Variants in MYL2 observed in about 807,000 individuals in gnomAD.
MYL2 encodes myosin light chain 2, also known as myosin regulatory light chain 2, ventricular/cardiac muscle isoform.
MYL2 carries 19 observed loss-of-function variants against 23.0 expected under a neutral mutation model. The observed-to-expected ratio is 0.83, with a 90% CI of 0.58 to 1.21. The LOEUF (loss-of-function observed/expected upper bound fraction) is 1.21, where lower values mean the gene tolerates loss of function less well. Ranked by LOEUF, MYL2 falls within the 50% of genes most tolerant of loss-of-function variation. MYL2 has a pLI of 0.00. For synonymous variants in MYL2, 78 were observed against 76.2 expected (o/e 1.02, Z -0.13); for missense variants, 180 against 215.1 (o/e 0.84, Z 1.02).
At chr12:110,919,279 C>G (rs1292476584) in intron 1 of MYL2, 86 bp from the exon 2 acceptor site, 2 of 1,108,288 alleles carry the variant, frequency 1.8e-6, no homozygotes, top group Non-Finnish European at 2.7e-6. Flanking sequence ...GTGTTCATCT[C>G]TGTTGCAGGG....
chr12:110,916,906 T>C (rs915015513), intron 2 of MYL2, among the ~76,000 whole-genome samples: 2 of 152,158 alleles, frequency 1.3e-5, no homozygotes, highest in African/African-American at 4.8e-5. Flanking sequence ...CGCAGTGCAG[T>C]GGTGCAATCT....
chr12:110,911,142 C>T lies in MYL2; in HGVS notation c.436G>A (p.Val146Met), dbSNP rs370075755. 2.3e-5 allele frequency: 37 copies of T among 1,605,496 alleles called. No individual in the cohort carries two copies. Among genetic ancestry groups the T allele is most frequent in the East Asian group, 4.5e-5 (2 of 44,198 alleles). Residue 146 changes from valine (V) to methionine (M), a missense_variant, in exon 7 of 7, where the codon GTG (valine) becomes ATG (methionine). By Grantham distance (21) the Val-to-Met change is conservative (BLOSUM62 1). Coordinates refer to ENST00000228841, the MANE Select transcript of MYL2 (RefSeq NM_000432.4). ...DQMFAAFPPD[V>M]TGNLDYKNLV... Reference sequence around the variant, plus strand: ...TTCTTGTAGTCCAAGTTGCCAGTCACGTCAGGGGGGAAGGCGGCGAACATC... The same window carrying T: ...TTCTTGTAGTCCAAGTTGCCAGTCATGTCAGGGGGGAAGGCGGCGAACATC...
intron 6 of MYL2, 126 bp downstream of exon 6, chr12:110,912,970 A>G (rs112638448): frequency 9.2e-7 from 1 of 1,088,790 alleles, no homozygotes; most frequent in Non-Finnish European, 1.4e-6. Flanking sequence ...GCCAGGCCTC[A>G]GAAGACGATA....
intron 3 of MYL2, among the ~76,000 whole-genome samples, chr12:110,915,085 T>A (rs553920763): frequency 6.6e-6 from 1 of 152,188 alleles, no homozygotes; most frequent in Non-Finnish European, 1.5e-5. Context: ...TTTAAGCCAA[T>A]GTATGTTTTA....
At chr12:110,912,766 T>C (rs2071662186) in intron 6 of MYL2, among the ~76,000 whole-genome samples, 1 of 152,222 alleles carries the variant, frequency 6.6e-6, no homozygotes, top group South Asian at 2.1e-4. Context: ...GGTTTCCTCA[T>C]GTTGGCTAGG....
At chr12:110,912,391 A>T (rs1566147906) in intron 6 of MYL2, among the ~76,000 whole-genome samples, 1 of 152,202 alleles carries the variant, frequency 6.6e-6, no homozygotes, top group Non-Finnish European at 1.5e-5. Context: ...TGAAACTGAC[A>T]TTTAGAAGAA....
Position 110,914,232 on chromosome 12 carries a change from T to G in MYL2, c.228A>C (p.Pro76=). 1 of 1,614,072 alleles carries G rather than the reference T, an allele frequency of 6.2e-7. No individual in the cohort carries two copies. Among genetic ancestry groups the G allele is most frequent in the Non-Finnish European group, 8.5e-7 (1 of 1,180,010 alleles). The change falls in exon 4 of 7, where the codon CCA becomes CCC. Residue 76 remains proline, a synonymous_variant. Coordinates refer to ENST00000228841, the MANE Select transcript of MYL2 (RefSeq NM_000432.4). ...IDEMIKEAPG[P]INFTVFLTMF... ...TTGTGAGGAACACAGTAAAGTTAAT[T>G]GGACCCGGAGCCTCCTTGATCATTT...
At position 110,918,023 on chromosome 12, in the gene MYL2, C is replaced by T. The variant is rs966122916; in HGVS notation, c.93+1081G>A. 5.3e-5 allele frequency among the ~76,000 whole-genome samples: 8 copies of T among 152,144 alleles called. No individual in the cohort carries two copies. The highest frequency in any genetic ancestry group is 1.9e-4 in the African/African-American group (8 of 41,426). On this transcript the variant is annotated intron_variant, in intron 2 of 6. Transcript: ENST00000228841. The surrounding 1 kb of genome is among the most constrained non-coding windows in gnomAD (Gnocchi z 4.4). ...TGATTAATCTGGGAGGTTGATGCTG[C>T]AGGGAGCCGTGGTTGTGCCACTGCA...
intron 4 of MYL2, among the ~76,000 whole-genome samples, chr12:110,913,755 T>A (rs1037131569): frequency 2.0e-5 from 3 of 151,960 alleles, no homozygotes; most frequent in African/African-American, 7.3e-5. Flanking sequence ...GTTTTTGTTT[T>A]GTTTTGTTTT....
chr12:110,920,494 G>A lies in MYL2; in HGVS notation c.3+33C>T, dbSNP rs138179416. ...AGTGGCTTCCTCTCCTCGCCCACCC[G>A]GCATCATCACCTCCTGGAGCCCTTG... On this transcript the variant is annotated intron_variant, in intron 1 of 6. Coordinates refer to ENST00000228841, the MANE Select transcript of MYL2 (RefSeq NM_000432.4). 2,632 of 1,613,846 alleles carry A rather than the reference G, an allele frequency of 1.6e-3. 48 individuals carry two copies. In the African/African-American group the frequency reaches 0.032, roughly 20 times the overall value.
rs1474843855 is a variant in MYL2, at chr12:110,915,762, T to A, written c.122A>T (p.Asp41Val). The A allele has an allele frequency of 1.9e-6, 3 of 1,614,174 alleles. No homozygotes were observed. The highest frequency in any genetic ancestry group is 2.5e-6 in the Non-Finnish European group (3 of 1,180,020). ...CAGATCGTTCTTGTCAATGAAGCCA[T>A]CCCTGTTCTGGTCCATGATAGTGAA... ...EAFTIMDQNR[D>V]GFIDKNDLRD... The change falls in exon 3 of 7, where the codon GAT becomes GTT. Residue 41 changes from aspartate to valine, a missense_variant. Physicochemically the swap from Asp to Val is radical, Grantham distance 152 (BLOSUM62 -3). Transcript: ENST00000228841.
chr12:110,911,002 G>T lies in MYL2; in HGVS notation c.*75C>A. On this transcript the variant is annotated 3_prime_UTR_variant, in exon 7 of 7. Coordinates refer to ENST00000228841, the MANE Select transcript of MYL2 (RefSeq NM_000432.4). The stretch of plus-strand genomic sequence containing the variant: ...TAACAGACAAGGTAGGGACAGAGGC[G>T]GTACTCGGGGGAGAGAGATGAGGGC... 1.5e-6 allele frequency: 2 copies of T among 1,290,752 alleles called. No individual in the cohort carries two copies. The highest frequency in any genetic ancestry group is 2.3e-6 in the Non-Finnish European group (2 of 886,524). 80.0% of individuals were successfully genotyped at this position (1,290,752 alleles called of 1,614,324 possible).
chr12:110,914,196 C>T lies in MYL2; in HGVS notation c.264G>A (p.Glu88=), dbSNP rs1187321974. ...NFTVFLTMFG[E]KLKGADPEET... is the part of the protein sequence containing the mutation. ...CACACACGACCTTACCCTTAAGTTT[C>T]TCCCCAAACATTGTGAGGAACACAG... The change falls in exon 4 of 7, where the codon GAG becomes GAA. Residue 88 remains glutamate, a synonymous_variant. Coordinates refer to ENST00000228841, the MANE Select transcript of MYL2 (RefSeq NM_000432.4). 6.2e-7 allele frequency: 1 copy of T among 1,613,110 alleles called. No individual in the cohort carries two copies. The highest frequency in any genetic ancestry group is 1.3e-5 in the African/African-American group (1 of 74,856).
At chr12:110,916,205 G>A (rs1330503245) in intron 2 of MYL2, among the ~76,000 whole-genome samples, 9 of 152,238 alleles carry the variant, frequency 5.9e-5, no homozygotes, top group South Asian at 2.1e-4. Context: ...GCGTGGTGGC[G>A]CATGCCTGTA....
chr12:110,918,965 C>T lies in MYL2; in HGVS notation c.93+139G>A, dbSNP rs61943012. On this transcript the variant is annotated intron_variant, in intron 2 of 6. Transcript: ENST00000228841. The surrounding 1 kb of genome is among the most constrained non-coding windows in gnomAD (Gnocchi z 4.4). ...AGTTTCTTTTAAAAATTCACACATC[C>T]GTTCAGGCCGAATTTGGGATTGTTT... The T allele has an allele frequency of 2.4e-4, 170 of 718,220 alleles. No individual in the cohort carries two copies. The highest frequency in any genetic ancestry group is 3.6e-4 in the Non-Finnish European group (145 of 407,642). The allele number at this position is 718,220 out of a possible 1,614,324, so 44.5% of individuals were successfully genotyped here.
chr12:110,914,057 C>T, intron 4 of MYL2, 129 bp downstream of exon 4: 1 of 775,470 alleles, frequency 1.3e-6, no homozygotes, highest in South Asian at 1.5e-5. Context: ...TGCGCCCAGC[C>T]AAGTTGCTGT....
chr12:110,917,490 GACAAACAA>G lies in MYL2; in HGVS notation c.93+1606_93+1613del, dbSNP rs113958682. On this transcript the variant is annotated intron_variant, in intron 2 of 6. Transcript: ENST00000228841. ...GAGTACCTGTAATCCCATTTACTCA[GACAAACAA>G]ACAAACAAACAAACAAACAAACAGA... Among the ~76,000 whole-genome samples, 476 of 149,840 alleles carry G rather than the reference GACAAACAA, an allele frequency of 3.2e-3. 3 individuals carry two copies. The highest frequency in any genetic ancestry group is 0.01 in the African/African-American group (414 of 40,694).
intron 1 of MYL2, among the ~76,000 whole-genome samples, chr12:110,919,684 T>C (rs1191629094): frequency 6.6e-6 from 1 of 152,122 alleles, no homozygotes; most frequent in South Asian, 2.1e-4. Flanking sequence ...CCCACAATTT[T>C]CCCTTGCTCC....
intron 3 of MYL2, among the ~76,000 whole-genome samples, chr12:110,914,604 C>T (rs1160590950): frequency 2.0e-5 from 3 of 152,118 alleles, no homozygotes; most frequent in South Asian, 2.1e-4. Flanking sequence ...CTGTAACCTC[C>T]GCCTCCCAGG....
Sources: allele counts gnomAD v4.1 joint callset (sites outside exome capture counted in the v4.1 genomes callset), GRCh38; gene constraint gnomAD v4.1.1; non-coding constraint Gnocchi (gnomAD v3.1); transcripts MANE v1.5; gene names NCBI Gene and HGNC (gene_info 2026-07-23, HGNC 2026-07-21).